Variants in VSIG1 observed in about 807,000 individuals in gnomAD.
The protein encoded by VSIG1 is V-set and immunoglobulin domain containing 1, also known as V-set and immunoglobulin domain-containing protein 1.
In VSIG1, 11 loss-of-function variants were observed where a neutral mutation model predicts 20.1. The ratio of observed to expected loss-of-function variants is 0.55; its 90% confidence interval spans 0.34 to 0.91. The LOEUF is 0.91. Ranked by LOEUF, VSIG1 falls within the 40% of genes least tolerant of loss-of-function variation. VSIG1 has a pLI of 0.02. For synonymous variants in VSIG1, 126 were observed against 116.7 expected, an observed-to-expected ratio of 1.08 and a Z score of -0.52; for missense variants, 283 against 298.8, an observed-to-expected ratio of 0.95 and a Z score of 0.39.
chrX:108,035,384 T>C, the VSIG1 span, among the ~76,000 whole-genome samples: 3 of 111,493 alleles, frequency 2.7e-5, no homozygotes, highest in Non-Finnish European at 5.7e-5. Flanking sequence ...ACAGTAACAA[T>C]TCTTTTTTTT....
At chrX:108,060,606 G>A (rs1419853290) in intron 2 of VSIG1, among the ~76,000 whole-genome samples, 1 of 111,811 alleles carries the variant, frequency 8.9e-6, no homozygotes, top group African/African-American at 3.2e-5. Context: ...TACCAGATGA[G>A]TAGTTTTGAA....
At chrX:108,069,210 G>A (rs952684136) in intron 3 of VSIG1, among the ~76,000 whole-genome samples, 12 of 111,083 alleles carry the variant, frequency 1.1e-4, no homozygotes, top group Admixed American at 3.8e-4. Flanking sequence ...AGAAGTTGAG[G>A]GTCACTTCAT....
intron 1 of VSIG1, among the ~76,000 whole-genome samples, chrX:108,051,673 G>A (rs2030787469): frequency 9.0e-6 from 1 of 111,521 alleles, no homozygotes; most frequent in Non-Finnish European, 1.9e-5. Flanking sequence ...AGATGAGTTC[G>A]ATGTTGGAAT....
chrX:108,072,772 C>T lies in VSIG1; in HGVS notation c.508C>T (p.Pro170Ser). The T allele has an allele frequency of 8.3e-7, 1 of 1,210,989 alleles. No individual in the cohort carries two copies. The highest frequency in any genetic ancestry group is 1.7e-5 in the African/African-American group (1 of 57,607). The change falls in exon 4 of 7, where the codon CCT becomes TCT. Residue 170 changes from proline to serine, a missense_variant. Coordinates refer to ENST00000217957, the MANE Select transcript of VSIG1 (RefSeq NM_182607.5). ...SCLSALGTPS[P>S]VYYWHKLEGR... ...TCTCTCTGCGCTTGGAACACCTTCC[C>T]CTGTGTACTACTGGCATAAACTTGA...
chrX:108,033,171 C>A, the VSIG1 span, among the ~76,000 whole-genome samples: 4 of 111,723 alleles, frequency 3.6e-5, no homozygotes, highest in South Asian at 1.5e-3. Flanking sequence ...AGATACGCTG[C>A]TGTGTGTAAC....
chrX:108,062,793 C>T (rs2031054090), intron 2 of VSIG1, among the ~76,000 whole-genome samples: 1 of 111,867 alleles, frequency 8.9e-6, no homozygotes, highest in Admixed American at 9.5e-5. Context: ...GCTAGCCCCT[C>T]TATCAGCAGT....
intron 1 of VSIG1, among the ~76,000 whole-genome samples, 163 bp from the exon 2 acceptor site, chrX:108,057,875 C>T (rs758600988): frequency 8.9e-6 from 1 of 111,866 alleles, no homozygotes; most frequent in South Asian, 3.8e-4. Flanking sequence ...CCCACTACCC[C>T]AGTGAGCCCC....
chrX:108,041,533 C>G (rs901093262), upstream of VSIG1, among the ~76,000 whole-genome samples: 7 of 101,857 alleles, frequency 6.9e-5, no homozygotes, highest in Non-Finnish European at 1.4e-4. Context: ...GTATTATCAT[C>G]TTTATGTTTT....
chrX:108,056,132 T>C (rs1000376902), intron 1 of VSIG1, among the ~76,000 whole-genome samples: 1 of 111,727 alleles, frequency 9.0e-6, no homozygotes, highest in Non-Finnish European at 1.9e-5. Context: ...AATCAGTGAT[T>C]ATCTCATCTC....
chrX:108,027,250 G>A, the VSIG1 span, among the ~76,000 whole-genome samples: 1 of 111,657 alleles, frequency 9.0e-6, no homozygotes, highest in South Asian at 3.7e-4. Flanking sequence ...ATTCATCATA[G>A]CCAAAATGTG....
At chrX:108,034,814 A>G in the VSIG1 span, among the ~76,000 whole-genome samples, 1 of 112,041 alleles carries the variant, frequency 8.9e-6, no homozygotes, top group South Asian at 3.7e-4. Flanking sequence ...GGCAGAGCCT[A>G]AGTTTAAAGC....
rs1569292684 is a variant in VSIG1, at chrX:108,072,666, T to C, written c.413-11T>C. On this transcript the variant is annotated splice_polypyrimidine_tract_variant and intron_variant, in intron 3 of 6. Transcript: ENST00000217957. Reference sequence around the variant, plus strand: ...CCTAAAGAATTTTTATTCTTTGTCATTGCCTTACAGTGAAACCTTCTAAGC... The same window carrying C: ...CCTAAAGAATTTTTATTCTTTGTCACTGCCTTACAGTGAAACCTTCTAAGC... 2.5e-6 allele frequency: 3 copies of C among 1,202,826 alleles called. No homozygotes were observed. Among genetic ancestry groups the C allele is most frequent in the South Asian group, 3.6e-5 (2 of 55,263 alleles).
chrX:108,061,891 C>G (rs1205494722), intron 2 of VSIG1, among the ~76,000 whole-genome samples: 27 of 110,539 alleles, frequency 2.4e-4, no homozygotes, highest in Non-Finnish European at 1.1e-4. Flanking sequence ...TACTGACTAT[C>G]CCCTTTGGAG....
At chrX:108,065,287 A>G (rs1447054700) in intron 2 of VSIG1, among the ~76,000 whole-genome samples, 1 of 111,658 alleles carries the variant, frequency 9.0e-6, no homozygotes, top group Admixed American at 9.5e-5. Flanking sequence ...CCACAGTACA[A>G]GGAATTAGGA....
At chrX:108,068,209 A>T (rs2031171486) in intron 3 of VSIG1, among the ~76,000 whole-genome samples, 1 of 111,922 alleles carries the variant, frequency 8.9e-6, no homozygotes, top group African/African-American at 3.3e-5. Flanking sequence ...CCTGGGAAAG[A>T]GGGAAAGGTA....
chrX:108,037,780 T>C, the VSIG1 span, among the ~76,000 whole-genome samples: 1 of 112,625 alleles, frequency 8.9e-6, no homozygotes, highest in Admixed American at 9.4e-5. Flanking sequence ...TCGGGATAAA[T>C]AGTGAACAAA....
At chrX:108,026,772 G>C in the VSIG1 span, among the ~76,000 whole-genome samples, 5 of 111,518 alleles carry the variant, frequency 4.5e-5, no homozygotes, top group South Asian at 1.9e-3. Context: ...GTTTTGTAGA[G>C]GAGTTTCAAG....
At chrX:108,062,225 C>T (rs2031042035) in intron 2 of VSIG1, among the ~76,000 whole-genome samples, 1 of 111,525 alleles carries the variant, frequency 9.0e-6, no homozygotes, top group Non-Finnish European at 1.9e-5. Flanking sequence ...TCAGACAATA[C>T]TTATTCTTCA....
chrX:108,058,054 G>A lies in VSIG1; in HGVS notation c.66G>A (p.Val22=), dbSNP rs183543024. ...LSCLAGQVSV[V]QVTIPDGFVN... The stretch of plus-strand genomic sequence containing the variant: ...TCTTTTCAGGTCAGGTTAGTGTGGT[G>A]CAAGTGACCATCCCAGACGGTTTCG... Residue 22 remains valine, a synonymous_variant, in exon 2 of 7, where the codon GTG becomes GTA. Coordinates refer to ENST00000217957, the MANE Select transcript of VSIG1 (RefSeq NM_182607.5). 5.8e-6 allele frequency: 7 copies of A among 1,207,106 alleles called. No individual in the cohort carries two copies. In the East Asian group the frequency reaches 2.1e-4, roughly 36 times the overall value.
Sources: gnomAD v4.1 joint callset for allele counts (sites outside exome capture counted in the v4.1 genomes callset) on GRCh38, gnomAD v4.1.1 for gene constraint, MANE v1.5 for transcripts, NCBI Gene and HGNC (gene_info 2026-07-23, HGNC 2026-07-21) for gene names.